The following ADA2 variants were observed in gnomAD, a reference collection of about 807,000 sequenced individuals.
The protein encoded by ADA2 is adenosine deaminase 2.
Under a neutral mutation model 44.2 loss-of-function variants are expected in ADA2, and 29 were observed. The ratio of observed to expected loss-of-function variants is 0.66; its 90% confidence interval spans 0.49 to 0.89. The LOEUF is 0.89. Among genes scored for constraint, ADA2 ranks in the 40% least tolerant of loss-of-function variants. The pLI is 0.00. For missense variants in ADA2, 637 were observed against 644.8 expected, an observed-to-expected ratio of 0.99 and a Z score of 0.13; for synonymous variants, 215 against 234.9, an observed-to-expected ratio of 0.92 and a Z score of 0.77.
At chr22:17,215,703 CA>C (rs1347769528) in intron 1 of ADA2, among the ~76,000 whole-genome samples, 1 of 152,050 alleles carries the variant, frequency 6.6e-6, no homozygotes, top group Non-Finnish European at 1.5e-5. Context: ...CACAGAAGGA[CA>C]AACACCGTAT....
chr22:17,207,220 C>G lies in ADA2; in HGVS notation c.393G>C (p.Arg131Ser). The change falls in exon 3 of 10, where the codon AGG (arginine) becomes AGC (serine). Residue 131 changes from arginine (R) to serine (S), a missense_variant. Physicochemically the swap from Arg to Ser is moderately radical, Grantham distance 110 (BLOSUM62 -1). Transcript: ENST00000399837. ...GGGTGAAACAGATGTGGCAGTGAGG[C>G]CTGTAGGTGACATTCCTCACCAGCC... is the stretch of plus-strand genomic sequence containing the variant. ...MDWLVRNVTY[R>S]PHCHICFTPR... The G allele has an allele frequency of 6.2e-7, 1 of 1,613,970 alleles. No homozygotes were observed. The highest frequency in any genetic ancestry group is 1.1e-5 in the South Asian group (1 of 91,084).
chr22:17,213,558 G>A (rs1227154500), intron 1 of ADA2: 6 of 301,198 alleles, frequency 2.0e-5, no homozygotes, highest in Non-Finnish European at 4.0e-5. Flanking sequence ...GCTGAAAGGC[G>A]TCGCAGAGCT....
chr22:17,185,709 TA>T (rs2062028330), intron 7 of ADA2, among the ~76,000 whole-genome samples: 1 of 152,152 alleles, frequency 6.6e-6, no homozygotes, highest in African/African-American at 2.4e-5. Context: ...AAATTGGATC[TA>T]AATTGACTCG....
intron 4 of ADA2, among the ~76,000 whole-genome samples, chr22:17,197,252 C>T (rs2062203725): frequency 6.6e-6 from 1 of 150,444 alleles, no homozygotes; most frequent in Non-Finnish European, 1.5e-5. Flanking sequence ...TTCTTTTTTT[C>T]TTTCTTTCTT....
chr22:17,182,389 C>T (rs2061982192), intron 8 of ADA2, among the ~76,000 whole-genome samples: 1 of 152,140 alleles, frequency 6.6e-6, no homozygotes, highest in South Asian at 2.1e-4. Context: ...GCCCAAAATT[C>T]CACCCCACTG....
At chr22:17,189,744 G>A (rs1202296407) in intron 6 of ADA2, 198 bp downstream of exon 6, 49 of 536,252 alleles carry the variant, frequency 9.1e-5, no homozygotes, top group South Asian at 5.0e-4. Flanking sequence ...AGTGACAGCC[G>A]TCCCCTGTAG....
At position 17,181,205 on chromosome 22, in the gene ADA2, G is replaced by A; in HGVS notation, c.*278C>T. The A allele has an allele frequency of 2.6e-6, 1 of 381,274 alleles. No individual in the cohort carries two copies. Among genetic ancestry groups the A allele is most frequent in the Non-Finnish European group, 4.8e-6 (1 of 206,660 alleles). The allele number at this position is 381,274 out of a possible 1,614,324, so 23.6% of individuals were successfully genotyped here. A position where few individuals can be genotyped will look rare whatever the true frequency, so the allele number is the denominator to read the frequency against. On this transcript the variant is annotated 3_prime_UTR_variant, in exon 10 of 10. Transcript: ENST00000399837. ...AGAGAGCCCAGGACTGAGTCCTGAG[G>A]AAACAGCACAGAGATCAGAGAGAGG...
At position 17,189,306 on chromosome 22, in the gene ADA2, C is replaced by T. The variant is rs150003389; in HGVS notation, c.972+636G>A. Among the ~76,000 whole-genome samples, 109 of 152,224 alleles carry T rather than the reference C, an allele frequency of 7.2e-4. 3 individuals are homozygous for T. In the East Asian group the frequency reaches 0.014, roughly 19 times the overall value. On this transcript the variant is annotated intron_variant, in intron 6 of 9. Coordinates refer to ENST00000399837, the MANE Select transcript of ADA2 (RefSeq NM_001282225.2). ...TGCTGAGGGCATGAGCCACTGCACC[C>T]GGCCTAGATTCTTTATGAGATTGCC...
Position 17,193,357 on chromosome 22 carries a change from GCAAAAAAAAAAA to G in ADA2, c.754-1559_754-1548del, listed in dbSNP as rs1472115427. On this transcript the variant is annotated intron_variant, in intron 4 of 9. Transcript: ENST00000399837. ...GTGTTTAAATAAAACCGTAAAAACTGCAAAAAAAAAAAAAAAAAAAAAAAAAAAGGACAGCGC... is the reference window on the plus strand; with the variant it reads ...GTGTTTAAATAAAACCGTAAAAACTGAAAAAAAAAAAAAAAAGGACAGCGC... 5 of 47,738 alleles carry G rather than the reference GCAAAAAAAAAAA, an allele frequency of 1.0e-4. No homozygotes were observed. In the South Asian group the frequency reaches 1.4e-3, roughly 13 times the overall value. The allele number at this position is 47,738 out of a possible 1,614,324, so 3.0% of individuals were successfully genotyped here. A position where few individuals can be genotyped will look rare whatever the true frequency, so the allele number is the denominator to read the frequency against.
At chr22:17,211,221 T>C (rs1478598741) in intron 1 of ADA2, among the ~76,000 whole-genome samples, 2 of 151,250 alleles carry the variant, frequency 1.3e-5, no homozygotes, top group Non-Finnish European at 2.9e-5. Flanking sequence ...TAGCTGGGCA[T>C]GGTGACGCAT....
chr22:17,202,003 G>A (rs1278844829), intron 4 of ADA2, among the ~76,000 whole-genome samples: 3 of 115,366 alleles, frequency 2.6e-5, no homozygotes, highest in African/African-American at 6.8e-5. Flanking sequence ...ACGGAGTCTC[G>A]CTCTGTCATC....
intron 4 of ADA2, among the ~76,000 whole-genome samples, chr22:17,197,381 C>A (rs1568979338): frequency 6.6e-6 from 1 of 151,836 alleles, no homozygotes; most frequent in Admixed American, 6.6e-5. Flanking sequence ...CCCACCTCAG[C>A]CTCTTGAGTA....
chr22:17,188,868 A>AAAAAAAAAAAAAAATATATATATAT, intron 6 of ADA2: 1 of 81,182 alleles, frequency 1.2e-5, no homozygotes. Context: ...AAGAGCAAAA[A>AAAAAAAAAAAAAAATATATATATAT]ATATATATAT....
chr22:17,193,357 GCAAAAAAAAAAAAAA>G lies in ADA2; in HGVS notation c.754-1562_754-1548del, dbSNP rs1186788427. 143 of 47,734 alleles carry G rather than the reference GCAAAAAAAAAAAAAA, an allele frequency of 3.0e-3. 1 individual carries two copies. The Middle Eastern group carries it at 0.067, about 22-fold the overall frequency. 3.0% of individuals were successfully genotyped at this position (47,734 alleles called of 1,614,324 possible). ...GTGTTTAAATAAAACCGTAAAAACT[GCAAAAAAAAAAAAAA>G]AAAAAAAAAAAAAGGACAGCGCGGT... On this transcript the variant is annotated intron_variant, in intron 4 of 9. Coordinates refer to ENST00000399837, the MANE Select transcript of ADA2 (RefSeq NM_001282225.2).
At position 17,181,360 on chromosome 22, in the gene ADA2, C is replaced by T. The variant is rs973746712; in HGVS notation, c.*123G>A. 1 of 713,974 alleles carries T rather than the reference C, an allele frequency of 1.4e-6. No individual in the cohort carries two copies. Among genetic ancestry groups the T allele is most frequent in the Non-Finnish European group, 2.5e-6 (1 of 393,502 alleles). 44.2% of individuals were successfully genotyped at this position (713,974 alleles called of 1,614,324 possible). On this transcript the variant is annotated 3_prime_UTR_variant, in exon 10 of 10. Transcript: ENST00000399837. Reference sequence around the variant, plus strand: ...TTTGCTCAGCCAGCCAAGTGCTTCTCACAGGGTCGCTCCATACAGAGGCCA... The same window carrying T: ...TTTGCTCAGCCAGCCAAGTGCTTCTTACAGGGTCGCTCCATACAGAGGCCA...
intron 4 of ADA2, among the ~76,000 whole-genome samples, chr22:17,194,637 C>T (rs959394006): frequency 2.0e-5 from 3 of 152,128 alleles, no homozygotes; most frequent in African/African-American, 7.2e-5. Context: ...GGCCAGGCCA[C>T]TCACTCTGCT....
At chr22:17,217,064 G>T (rs2062480813) in intron 1 of ADA2, among the ~76,000 whole-genome samples, 1 of 151,740 alleles carries the variant, frequency 6.6e-6, no homozygotes, top group South Asian at 2.1e-4. Flanking sequence ...GAATTAGAAA[G>T]AACTTTCAGA....
intron 4 of ADA2, among the ~76,000 whole-genome samples, chr22:17,198,955 G>T (rs1362560729): frequency 6.6e-6 from 1 of 152,312 alleles, no homozygotes; most frequent in South Asian, 2.1e-4. Context: ...CAGGCAGGGG[G>T]AGGCGAGGGG....
chr22:17,192,643 C>A (rs767421869), intron 4 of ADA2, among the ~76,000 whole-genome samples: 2 of 152,072 alleles, frequency 1.3e-5, no homozygotes, highest in Non-Finnish European at 2.9e-5. Flanking sequence ...GCCTGGCCAA[C>A]ATGGTGAAAC....
Sources: allele counts gnomAD v4.1 joint callset (sites outside exome capture counted in the v4.1 genomes callset), GRCh38; gene constraint gnomAD v4.1.1; transcripts MANE v1.5; gene names NCBI Gene and HGNC (gene_info 2026-07-23, HGNC 2026-07-21).